Variants in IFT74 observed in about 807,000 individuals in gnomAD.
IFT74 encodes the protein intraflagellar transport protein 74 homolog.
In IFT74, 92 loss-of-function variants were observed where a neutral mutation model predicts 96.7. The ratio of observed to expected loss-of-function variants is 0.95; its 90% CI spans 0.80 to 1.13. The LOEUF (loss-of-function observed/expected upper bound fraction) is 1.13, where lower values mean the gene tolerates loss of function less well. Among genes scored for constraint, IFT74 ranks in the 50% most tolerant of loss-of-function variants. The probability of loss-of-function intolerance (pLI) is 0.00; values close to 1 mark genes in which losing one functional copy is unlikely to be tolerated. For missense variants in IFT74, 811 were observed against 698.2 expected, an observed-to-expected ratio of 1.16 and a Z score of -1.82; for synonymous variants, 223 against 213.2, an observed-to-expected ratio of 1.05 and a Z score of -0.40.
intron 8 of IFT74, chr9:26,995,280 C>T: frequency 2.8e-6 from 1 of 351,444 alleles, no homozygotes; most frequent in Non-Finnish European, 5.2e-6. Context: ...CCAAGCACTG[C>T]TAAGAATAGT....
At chr9:27,011,990 G>A (rs776729470) in intron 10 of IFT74, 22 bp downstream of exon 10, 4 of 1,502,158 alleles carry the variant, frequency 2.7e-6, no homozygotes, top group African/African-American at 1.4e-5. Flanking sequence ...ATCAAATAAG[G>A]GTTCTCATAC....
intron 8 of IFT74, among the ~76,000 whole-genome samples, chr9:27,006,352 C>G (rs763670383): frequency 3.3e-5 from 5 of 152,102 alleles, no homozygotes; most frequent in Non-Finnish European, 7.4e-5. Context: ...AATCCCAGCA[C>G]TTTGAGAAGC....
upstream of IFT74, chr9:26,956,374 T>C (rs1436135792): frequency 6.6e-6 from 1 of 152,274 alleles, no homozygotes; most frequent in Non-Finnish European, 1.5e-5. Context: ...GCCTCCGCTA[T>C]CCCGCCCCCG....
chr9:27,032,970 A>G (rs1830193520), intron 13 of IFT74, among the ~76,000 whole-genome samples: 1 of 152,174 alleles, frequency 6.6e-6, no homozygotes, highest in Admixed American at 6.5e-5. Context: ...TCTGGCATGT[A>G]TTTAACATGA....
intron 3 of IFT74, among the ~76,000 whole-genome samples, chr9:26,980,227 T>C (rs1247990692): frequency 1.3e-5 from 2 of 152,156 alleles, no homozygotes; most frequent in African/African-American, 4.8e-5. Context: ...TATTGGACAG[T>C]GTTAATTTAG....
intron 16 of IFT74, among the ~76,000 whole-genome samples, chr9:27,051,462 C>A (rs537051470): frequency 1.3e-5 from 2 of 152,034 alleles, no homozygotes; most frequent in Non-Finnish European, 2.9e-5. Flanking sequence ...TCATCTTAAC[C>A]ATTTTGAAGT....
In IFT74 at chr9:27,059,490, A is replaced by G. The variant is rs560591881; in HGVS notation, c.1624-1101A>G. On this transcript the variant is annotated intron_variant, in intron 18 of 19. Transcript: ENST00000380062. ...GCACTTAACAGGTCTGATGCATTAT[A>G]AGAAGGCCACCTGTTTGTATGAAAC... Among the ~76,000 whole-genome samples, 3 of 152,318 alleles carry G rather than the reference A, an allele frequency of 2.0e-5. No individual in the cohort carries two copies. The East Asian group carries it at 5.8e-4, about 29-fold the overall frequency.
chr9:26,995,631 A>G (rs1372637173), intron 8 of IFT74: 2 of 1,613,356 alleles, frequency 1.2e-6, no homozygotes, highest in Non-Finnish European at 1.7e-6. Context: ...GTTTCTTCAG[A>G]GTTTGTTTCT....
At position 27,050,118 on chromosome 9, in the gene IFT74, C is replaced by T. The variant is rs547437418; in HGVS notation, c.1333+1844C>T. On this transcript the variant is annotated intron_variant, in intron 16 of 19. Transcript: ENST00000380062. Reference sequence around the variant, plus strand: ...CATTGCCCAGGCTGGAGTGCAGTGGCGTGATCACAGCTCACTGCAGCATTT... The same window carrying T: ...CATTGCCCAGGCTGGAGTGCAGTGGTGTGATCACAGCTCACTGCAGCATTT... Among the ~76,000 whole-genome samples, 60 of 152,154 alleles carry T rather than the reference C, an allele frequency of 3.9e-4. 1 individual carries two copies. The South Asian group carries it at 6.2e-3, about 16-fold the overall frequency.
rs960077488 is a variant in IFT74, at chr9:26,980,726, T to C, written c.305+107T>C. On this transcript the variant is annotated intron_variant, in intron 4 of 19. Coordinates refer to ENST00000380062, the MANE Select transcript of IFT74 (RefSeq NM_025103.4). ...ATATGAAGTTTTAGCTAGGCACTTA[T>C]TAGGATAATTAGGTATCTATTGATT... 7.8e-6 allele frequency: 5 copies of C among 641,112 alleles called. No homozygotes were observed. In the Admixed American group the frequency reaches 1.3e-4, roughly 17 times the overall value. The allele number at this position is 641,112 out of a possible 1,614,324, so 39.7% of individuals were successfully genotyped here. A position where few individuals can be genotyped will look rare whatever the true frequency, so the allele number is the denominator to read the frequency against.
rs1000884486 is a variant in IFT74 at position 26,988,684 on chromosome 9, A to T, written c.481A>T (p.Asn161Tyr). Residue 161 changes from asparagine (N) to tyrosine (Y), a missense_variant, in exon 7 of 20, where the codon AAT (asparagine) becomes TAT (tyrosine). Coordinates refer to ENST00000380062, the MANE Select transcript of IFT74 (RefSeq NM_025103.4). ...ADYNMLVDKLNTNTEMEEVMN... is the reference protein window; with the variant it reads ...ADYNMLVDKLYTNTEMEEVMN... The stretch of plus-strand genomic sequence containing the variant: ...TTGTTTTTAGTTGGTAGATAAACTT[A>T]ATACCAACACTGAAATGGAAGAAGT... 1.5e-5 allele frequency: 23 copies of T among 1,547,870 alleles called. No homozygotes were observed. The highest frequency in any genetic ancestry group is 2.0e-5 in the Non-Finnish European group (23 of 1,135,232).
chr9:27,021,542 G>A (rs1829603138), intron 12 of IFT74, among the ~76,000 whole-genome samples: 1 of 152,066 alleles, frequency 6.6e-6, no homozygotes, highest in Non-Finnish European at 1.5e-5. Flanking sequence ...GAGTAAGGTG[G>A]TATTGCATTG....
chr9:26,979,477 A>T (rs1395751818), intron 3 of IFT74, among the ~76,000 whole-genome samples: 1 of 152,084 alleles, frequency 6.6e-6, no homozygotes, highest in African/African-American at 2.4e-5. Flanking sequence ...CTACAAGTAT[A>T]CTTCAAAGCC....
chr9:27,017,626 A>T (rs573594034), intron 11 of IFT74, among the ~76,000 whole-genome samples: 1 of 152,290 alleles, frequency 6.6e-6, no homozygotes, highest in African/African-American at 2.4e-5. Context: ...CTTTTTGAAG[A>T]TATGTTTCAT....
At chr9:27,030,856 T>C (rs979430304) in intron 13 of IFT74, among the ~76,000 whole-genome samples, 5 of 152,198 alleles carry the variant, frequency 3.3e-5, no homozygotes, top group African/African-American at 1.2e-4. Context: ...AGAAAAAGTA[T>C]TGTTCTTCCA....
In IFT74 at chr9:26,996,298, A is replaced by G. The variant is rs1237555315; in HGVS notation, c.587+6103A>G. 7 of 1,484,124 alleles carry G rather than the reference A, an allele frequency of 4.7e-6. No homozygotes were observed. The East Asian group carries it at 1.6e-4, about 34-fold the overall frequency. The allele number at this position is 1,484,124 out of a possible 1,614,324, so 91.9% of individuals were successfully genotyped here. On this transcript the variant is annotated intron_variant, in intron 8 of 19. Transcript: ENST00000380062. ...ACATTCAGCAGTGTTAATATATAGA[A>G]CCAGTATATTACCTGAATTTCTTGT...
At chr9:26,987,101 G>T (rs1827674199) in intron 6 of IFT74, among the ~76,000 whole-genome samples, 1 of 152,080 alleles carries the variant, frequency 6.6e-6, no homozygotes, top group South Asian at 2.1e-4. Flanking sequence ...CCAGGCCGGA[G>T]TGCAGTGGCG....
At position 26,978,224 on chromosome 9, in the gene IFT74, A is replaced by G. The variant is rs755263527; in HGVS notation, c.217A>G (p.Thr73Ala). 1 of 1,613,604 alleles carries G rather than the reference A, an allele frequency of 6.2e-7. No homozygotes were observed. Among genetic ancestry groups the G allele is most frequent in the Non-Finnish European group, 8.5e-7 (1 of 1,179,902 alleles). Residue 73 changes from threonine (T) to alanine (A), a missense_variant, in exon 3 of 20, where the codon ACA becomes GCA. By Grantham distance (58) the Thr-to-Ala change is moderately conservative. Transcript: ENST00000380062. The stretch of plus-strand genomic sequence containing the variant: ...AATCAAAGTTGCCCATCGCCCTGTA[A>G]CACAACAAGGTTTGACTGGAATGAA... Reference protein sequence around the residue: ...SQIKVAHRPVTQQGLTGMKTG... With the variant: ...SQIKVAHRPVAQQGLTGMKTG...
intron 15 of IFT74, 79 bp downstream of exon 15, chr9:27,047,450 A>G: frequency 1.3e-6 from 1 of 770,338 alleles, no homozygotes; most frequent in East Asian, 2.9e-5. Flanking sequence ...AAAAAATAGA[A>G]CGGCTCACTA....
Sources: allele counts gnomAD v4.1 joint callset (sites outside exome capture counted in the v4.1 genomes callset), GRCh38; gene constraint gnomAD v4.1.1; transcripts MANE v1.5; gene names NCBI Gene and HGNC (gene_info 2026-07-23, HGNC 2026-07-21).